SCFD2: variants seen among roughly 807,000 people sequenced by gnomAD.
The protein encoded by SCFD2 is sec1 family domain-containing protein 2.
Under a neutral mutation model 58.9 loss-of-function variants are expected in SCFD2, and 54 were observed. The ratio of observed to expected loss-of-function variants is 0.92; its 90% CI spans 0.74 to 1.15. The LOEUF (loss-of-function observed/expected upper bound fraction) is 1.15. Ranked by LOEUF, SCFD2 falls within the 50% of genes most tolerant of loss-of-function variation. The probability of loss-of-function intolerance (pLI) is 0.00; values close to 1 mark genes in which losing one functional copy is unlikely to be tolerated. For missense variants in SCFD2, 805 were observed against 836.6 expected (o/e 0.96, Z 0.47); for synonymous variants, 321 against 335.9 (o/e 0.96, Z 0.49).
intron 5 of SCFD2, among the ~76,000 whole-genome samples, chr4:52,951,436 A>G (rs1316778890): frequency 2.2e-5 from 3 of 139,076 alleles, no homozygotes; most frequent in African/African-American, 1.0e-4. Context: ...TGAGACTGGG[A>G]AATCTTTGAA....
intron 5 of SCFD2, among the ~76,000 whole-genome samples, chr4:53,103,980 T>C (rs1032198514): frequency 6.7e-6 from 1 of 150,002 alleles, no homozygotes; most frequent in African/African-American, 2.5e-5. Flanking sequence ...CATACTGATA[T>C]AAATAAATAA....
chr4:53,280,330 A>G (rs945301347), intron 3 of SCFD2, among the ~76,000 whole-genome samples: 2 of 152,180 alleles, frequency 1.3e-5, no homozygotes, highest in African/African-American at 4.8e-5. Context: ...AGCCTGGCCA[A>G]CATGGCGAAA....
At chr4:53,324,207 A>G (rs2149122625) in intron 2 of SCFD2, among the ~76,000 whole-genome samples, 1 of 152,170 alleles carries the variant, frequency 6.6e-6, no homozygotes, top group South Asian at 2.1e-4. Flanking sequence ...GCTTGAGGCC[A>G]GAAGTTCAAG....
chr4:53,038,858 AT>A (rs532463121), intron 5 of SCFD2, among the ~76,000 whole-genome samples: 1 of 151,596 alleles, frequency 6.6e-6, no homozygotes. Flanking sequence ...CCAGCTAATT[AT>A]TTTTTTTCTT....
chr4:53,237,613 T>C (rs1456012920), intron 4 of SCFD2, among the ~76,000 whole-genome samples: 3 of 109,468 alleles, frequency 2.7e-5, no homozygotes, highest in African/African-American at 3.7e-5. Flanking sequence ...GCCCCTCACC[T>C]CCCGGACGGG....
intron 4 of SCFD2, among the ~76,000 whole-genome samples, chr4:53,238,273 ACCT>A (rs1645532876): frequency 1.3e-5 from 1 of 76,974 alleles, no homozygotes; most frequent in Non-Finnish European, 2.6e-5. Flanking sequence ...GGCGCCCCTC[ACCT>A]CCTGGACGGG....
At chr4:53,240,362 T>C (rs1043057474) in intron 4 of SCFD2, among the ~76,000 whole-genome samples, 2 of 152,172 alleles carry the variant, frequency 1.3e-5, no homozygotes, top group African/African-American at 4.8e-5. Context: ...ATTTCAGAAA[T>C]GTGAAAAAAT....
chr4:52,950,420 C>A (rs539297305), intron 5 of SCFD2: 1 of 152,290 alleles, frequency 6.6e-6, no homozygotes, highest in African/African-American at 2.4e-5. Flanking sequence ...GGCCCTGCCC[C>A]CTAGCCATCT....
intron 5 of SCFD2, among the ~76,000 whole-genome samples, chr4:52,968,230 T>A (rs1459700900): frequency 6.6e-6 from 1 of 152,240 alleles, no homozygotes; most frequent in Non-Finnish European, 1.5e-5. Flanking sequence ...GGGCTAACAC[T>A]ATAGGTTGCT....
chr4:53,352,509 T>C, intron 2 of SCFD2, 89 bp downstream of exon 2: 4 of 1,093,026 alleles, frequency 3.7e-6, no homozygotes, highest in Non-Finnish European at 5.1e-6. Context: ...CAATTCTTCA[T>C]TGCTTTTTTC....
At chr4:53,086,199 T>C (rs1349393488) in intron 5 of SCFD2, among the ~76,000 whole-genome samples, 1 of 151,986 alleles carries the variant, frequency 6.6e-6, no homozygotes, top group Non-Finnish European at 1.5e-5. Context: ...AATCTAATAA[T>C]CTGATTTAAA....
intron 5 of SCFD2, chr4:52,948,722 C>T (rs576652055): frequency 1.2e-4 from 38 of 321,260 alleles, no homozygotes; most frequent in Non-Finnish European, 2.3e-4. Flanking sequence ...CAGAAGAACA[C>T]GCTGGATCCT....
At chr4:53,363,989 G>A (rs1282939195) in intron 1 of SCFD2, among the ~76,000 whole-genome samples, 1 of 151,998 alleles carries the variant, frequency 6.6e-6, no homozygotes, top group Non-Finnish European at 1.5e-5. Context: ...TACATTTTTG[G>A]CATAAAGAGA....
At chr4:53,059,284 T>G (rs1303551681) in intron 5 of SCFD2, among the ~76,000 whole-genome samples, 3 of 152,146 alleles carry the variant, frequency 2.0e-5, no homozygotes, top group Non-Finnish European at 4.4e-5. Context: ...TAGCCCTATT[T>G]TACAGATGAA....
chr4:53,339,185 G>T (rs899364467), intron 2 of SCFD2, among the ~76,000 whole-genome samples: 1 of 152,044 alleles, frequency 6.6e-6, no homozygotes, highest in African/African-American at 2.4e-5. Flanking sequence ...GATTCTAAAT[G>T]TAAGTAGCAG....
intron 4 of SCFD2, among the ~76,000 whole-genome samples, chr4:53,156,072 A>G (rs1726670828): frequency 6.6e-6 from 1 of 152,126 alleles, no homozygotes; most frequent in Non-Finnish European, 1.5e-5. Flanking sequence ...AATTTTGTAA[A>G]AGCCAGTTTC....
At chr4:52,895,028 C>T (rs1017710268) in intron 7 of SCFD2, among the ~76,000 whole-genome samples, 1 of 152,288 alleles carries the variant, frequency 6.6e-6, no homozygotes, top group African/African-American at 2.4e-5. Context: ...GTGACTTTTC[C>T]ATCCTCTAGA....
chr4:53,006,459 C>T (rs1721973069), intron 5 of SCFD2, among the ~76,000 whole-genome samples: 1 of 152,130 alleles, frequency 6.6e-6, no homozygotes, highest in Non-Finnish European at 1.5e-5. Flanking sequence ...TCAAGAATAC[C>T]CAGAGATTTT....
At chr4:52,992,976 T>G (rs961811587) in intron 5 of SCFD2, among the ~76,000 whole-genome samples, 1 of 151,636 alleles carries the variant, frequency 6.6e-6, no homozygotes, top group Non-Finnish European at 1.5e-5. Flanking sequence ...GGGGAAAAGA[T>G]AGAGAAATCA....
Sources: allele counts gnomAD v4.1 joint callset (sites outside exome capture counted in the v4.1 genomes callset), GRCh38; gene constraint gnomAD v4.1.1; transcripts MANE v1.5; gene names NCBI Gene and HGNC (gene_info 2026-07-23, HGNC 2026-07-21).